The following CDH13 variants were observed in gnomAD, a reference collection of about 807,000 sequenced individuals.
CDH13 encodes the protein cadherin-13.
CDH13 carries 24 observed loss-of-function variants against 63.8 expected under a neutral mutation model. The ratio of observed to expected loss-of-function variants is 0.38; its 90% CI spans 0.27 to 0.53. The LOEUF is 0.53. Among genes scored for constraint, CDH13 ranks in the 20% least tolerant of loss-of-function variants. The probability of loss-of-function intolerance (pLI) is 0.85; values close to 1 mark genes in which losing one functional copy is unlikely to be tolerated. For synonymous variants in CDH13, 503 were observed against 355.3 expected (o/e 1.42, Z -4.67); for missense variants, 1,049 against 903.1 (o/e 1.16, Z -2.07).
intron 11 of CDH13, among the ~76,000 whole-genome samples, chr16:83,753,656 AT>A (rs1248581564): frequency 6.6e-6 from 1 of 152,174 alleles, no homozygotes; most frequent in African/African-American, 2.4e-5. Flanking sequence ...GAGAATAAGG[AT>A]TTTTGGCATA....
At chr16:82,797,173 T>A (rs78663981) in intron 1 of CDH13, among the ~76,000 whole-genome samples, 2,459 of 152,330 alleles carry the variant, frequency 0.016, 43 homozygotes, top group African/African-American at 0.035. Flanking sequence ...CGTCACTCTT[T>A]CAGTGTGGGG....
intron 2 of CDH13, among the ~76,000 whole-genome samples, chr16:82,952,836 G>C (rs1218554651): frequency 6.6e-6 from 1 of 152,174 alleles, no homozygotes; most frequent in East Asian, 1.9e-4. Flanking sequence ...ACCCTGTCTT[G>C]TTCTCCCTCC....
intron 7 of CDH13, among the ~76,000 whole-genome samples, chr16:83,526,704 G>C (rs1247863122): frequency 1.3e-5 from 2 of 152,142 alleles, no homozygotes; most frequent in Non-Finnish European, 2.9e-5. Context: ...TTTAAACACT[G>C]ACTCTTTCAC....
chr16:82,904,010 T>C (rs979927341), intron 2 of CDH13, among the ~76,000 whole-genome samples: 3 of 152,210 alleles, frequency 2.0e-5, no homozygotes, highest in Admixed American at 6.5e-5. Context: ...TGTGATTCTC[T>C]TCCAAACTGC....
chr16:82,628,483 T>A (rs930643216), intron 1 of CDH13, among the ~76,000 whole-genome samples: 15 of 152,032 alleles, frequency 9.9e-5, no homozygotes, highest in African/African-American at 3.4e-4. Flanking sequence ...GGTTTAGACT[T>A]TGGAAATGGG....
At chr16:83,337,736 G>T (rs2090630977) in intron 5 of CDH13, among the ~76,000 whole-genome samples, 1 of 146,176 alleles carries the variant, frequency 6.8e-6, no homozygotes, top group African/African-American at 2.5e-5. Context: ...TTAGTTTGTG[G>T]CAGGATGCTA....
At chr16:82,793,391 A>T (rs74565975) in intron 1 of CDH13, among the ~76,000 whole-genome samples, 1 of 149,988 alleles carries the variant, frequency 6.7e-6, no homozygotes, top group African/African-American at 2.4e-5. Context: ...GAAAAAAAAA[A>T]TCACTCCACC....
intron 6 of CDH13, among the ~76,000 whole-genome samples, chr16:83,391,699 G>A (rs1205330448): frequency 1.3e-5 from 2 of 152,162 alleles, no homozygotes; most frequent in Admixed American, 6.5e-5. Flanking sequence ...CCATGCAGAC[G>A]AACACAGGTC....
intron 2 of CDH13, among the ~76,000 whole-genome samples, chr16:82,988,208 A>G (rs1007733901): frequency 5.3e-5 from 8 of 152,210 alleles, no homozygotes; most frequent in South Asian, 2.1e-4. Flanking sequence ...GTGTATATGT[A>G]TGCACATGTA....
chr16:83,430,217 C>A (rs552160101), intron 6 of CDH13, among the ~76,000 whole-genome samples: 3 of 152,298 alleles, frequency 2.0e-5, no homozygotes, highest in South Asian at 2.1e-4. Flanking sequence ...GTGGAACCAG[C>A]CTAAGTGTTT....
chr16:82,686,280 C>T lies in CDH13; in HGVS notation c.45+59143C>T, dbSNP rs149114795. Among the ~76,000 whole-genome samples, 3 of 152,300 alleles carry T rather than the reference C, an allele frequency of 2.0e-5. No homozygotes were observed. The East Asian group carries it at 5.8e-4, about 29-fold the overall frequency. On this transcript the variant is annotated intron_variant, in intron 1 of 13. Coordinates refer to ENST00000567109, the MANE Select transcript of CDH13 (RefSeq NM_001257.5). The stretch of plus-strand genomic sequence containing the variant: ...CTGTTGAAACTAGAACAGGAAGTCA[C>T]CTTAGCAGTGGTAGATCTTTGAATT...
intron 1 of CDH13, among the ~76,000 whole-genome samples, chr16:82,769,802 C>T (rs552662001): frequency 3.3e-5 from 5 of 152,230 alleles, no homozygotes; most frequent in Admixed American, 2.0e-4. Context: ...ACACATTTAC[C>T]GGAATGCATT....
rs554968981 is a variant in CDH13, at chr16:83,428,426, T to A, written c.782-58051T>A. Reference sequence around the variant, plus strand: ...AGTTGATTTTAGCTTTGTTTGTTTTTCCATTGACAAGATTCATTTTTAATT... The same window carrying A: ...AGTTGATTTTAGCTTTGTTTGTTTTACCATTGACAAGATTCATTTTTAATT... On this transcript the variant is annotated intron_variant, in intron 6 of 13. Coordinates refer to ENST00000567109, the MANE Select transcript of CDH13 (RefSeq NM_001257.5). Among the ~76,000 whole-genome samples, 3 of 152,300 alleles carry A rather than the reference T, an allele frequency of 2.0e-5. No individual in the cohort carries two copies. In the South Asian group the frequency reaches 6.2e-4, roughly 32 times the overall value.
intron 5 of CDH13, among the ~76,000 whole-genome samples, chr16:83,258,252 C>A (rs948949997): frequency 3.9e-5 from 6 of 152,186 alleles, no homozygotes; most frequent in African/African-American, 1.4e-4. Context: ...AACATTTTTA[C>A]CACCAATATT....
At chr16:82,655,409 T>A (rs546031370) in intron 1 of CDH13, among the ~76,000 whole-genome samples, 2 of 152,202 alleles carry the variant, frequency 1.3e-5, no homozygotes, top group African/African-American at 4.8e-5. Flanking sequence ...GAGATGGCCA[T>A]GTGGATCTCA....
intron 2 of CDH13, among the ~76,000 whole-genome samples, chr16:82,868,445 G>C (rs144541481): frequency 2.0e-5 from 3 of 152,084 alleles, no homozygotes; most frequent in Non-Finnish European, 2.9e-5. Context: ...ATAAAATGAC[G>C]TAAGATAAGA....
intron 7 of CDH13, among the ~76,000 whole-genome samples, chr16:83,533,002 G>A (rs1270273668): frequency 1.3e-5 from 2 of 152,214 alleles, no homozygotes; most frequent in African/African-American, 2.4e-5. Flanking sequence ...TGTAGGAGAA[G>A]CTAACTACAA....
intron 7 of CDH13, among the ~76,000 whole-genome samples, chr16:83,584,251 C>T (rs1417383854): frequency 1.3e-5 from 2 of 152,128 alleles, no homozygotes; most frequent in Non-Finnish European, 1.5e-5. Context: ...ATGGCGTGAA[C>T]CCAGGAGGCG....
intron 5 of CDH13, among the ~76,000 whole-genome samples, chr16:83,308,111 G>A (rs1360284406): frequency 6.6e-6 from 1 of 152,064 alleles, no homozygotes; most frequent in Non-Finnish European, 1.5e-5. Flanking sequence ...GGGAATCAGA[G>A]ATAAATATAC....
Sources: gnomAD v4.1 joint callset for allele counts (sites outside exome capture counted in the v4.1 genomes callset) on GRCh38, gnomAD v4.1.1 for gene constraint, MANE v1.5 for transcripts, NCBI Gene and HGNC (gene_info 2026-07-23, HGNC 2026-07-21) for gene names.